Variants in CPNE4 observed in about 807,000 individuals in gnomAD.
CPNE4 encodes copine 4.
In CPNE4, 25 loss-of-function variants were observed where a neutral mutation model predicts 67.9. The ratio of observed to expected loss-of-function variants is 0.37; its 90% confidence interval spans 0.27 to 0.51. The LOEUF is 0.51. Ranked by LOEUF, CPNE4 falls within the 20% of genes least tolerant of loss-of-function variation. The pLI is 0.93. For missense variants in CPNE4, 464 were observed against 690.8 expected (o/e 0.67, Z 3.68); for synonymous variants, 242 against 244.9 (o/e 0.99, Z 0.11).
rs921079101 is a variant in CPNE4 at position 131,714,372 on chromosome 3, C to A, written c.360+9074G>T. ...AATGGATAATAAGTCCATTTAACTTCATTTAATGAATGGGAGAAAAAACTT... is the reference window on the plus strand; with the variant it reads ...AATGGATAATAAGTCCATTTAACTTAATTTAATGAATGGGAGAAAAAACTT... On this transcript the variant is annotated intron_variant, in intron 3 of 15. Coordinates refer to ENST00000429747, the MANE Select transcript of CPNE4 (RefSeq NM_130808.3). Among the ~76,000 whole-genome samples the A allele has an allele frequency of 6.6e-5, 10 of 152,308 alleles. No individual in the cohort carries two copies. The East Asian group carries it at 1.3e-3, about 21-fold the overall frequency.
At chr3:131,537,534 C>T in intron 15 of CPNE4, 1 of 203,660 alleles carries the variant, frequency 4.9e-6, no homozygotes, top group Non-Finnish European at 1.0e-5. Flanking sequence ...CCGCCCGCCT[C>T]AGCATCTCAA....
At chr3:131,565,720 G>A (rs901445898) in intron 10 of CPNE4, among the ~76,000 whole-genome samples, 8 of 150,224 alleles carry the variant, frequency 5.3e-5, no homozygotes, top group African/African-American at 9.8e-5. Context: ...AAAGAACTAC[G>A]TCAAAAATAA....
chr3:131,969,259 G>A (rs781031038), intron 1 of CPNE4, among the ~76,000 whole-genome samples: 33 of 151,864 alleles, frequency 2.2e-4, no homozygotes, highest in Non-Finnish European at 3.7e-4. Context: ...TAATGCATGC[G>A]GGTCTTAAAA....
chr3:131,655,533 T>A (rs1299723482), intron 7 of CPNE4, among the ~76,000 whole-genome samples: 1 of 152,188 alleles, frequency 6.6e-6, no homozygotes, highest in Non-Finnish European at 1.5e-5. Context: ...TTAGTGATTT[T>A]ACTCTTTCAT....
chr3:131,961,397 C>T (rs1360994711), intron 1 of CPNE4, among the ~76,000 whole-genome samples: 1 of 152,106 alleles, frequency 6.6e-6, no homozygotes, highest in Non-Finnish European at 1.5e-5. Context: ...CTGGTTCCCT[C>T]CCAGTGTTGC....
At chr3:131,701,373 T>C (rs1172815402) in intron 3 of CPNE4, among the ~76,000 whole-genome samples, 1 of 152,200 alleles carries the variant, frequency 6.6e-6, no homozygotes, top group Non-Finnish European at 1.5e-5. Flanking sequence ...CATGCTATTG[T>C]GTAATATTCT....
intron 2 of CPNE4, among the ~76,000 whole-genome samples, chr3:131,898,179 G>GTCAAAAAT (rs1488408043): frequency 6.6e-6 from 1 of 152,064 alleles, no homozygotes; most frequent in African/African-American, 2.4e-5. Context: ...CAGGAAAAGT[G>GTCAAAAAT]TCAAAAATAC....
intron 11 of CPNE4, among the ~76,000 whole-genome samples, chr3:131,563,346 A>G (rs1176109310): frequency 6.6e-6 from 1 of 152,046 alleles, no homozygotes; most frequent in Non-Finnish European, 1.5e-5. Context: ...ACACATATTT[A>G]TATTTACATT....
Position 131,671,459 on chromosome 3 carries a change from A to ATGTGTGTGTG in CPNE4, c.592-1705_592-1696dup, listed in dbSNP as rs58195413. Reference sequence around the variant, plus strand: ...TGTGTATGTATGTATGAGTGTACACATGTGTGTGTGTGTGTGTGTGTGTGT... The same window carrying ATGTGTGTGTG: ...TGTGTATGTATGTATGAGTGTACACATGTGTGTGTGTGTGTGTGTGTGTGTGTGTGTGTGT... On this transcript the variant is annotated intron_variant, in intron 6 of 15. Coordinates refer to ENST00000429747, the MANE Select transcript of CPNE4 (RefSeq NM_130808.3). Among the ~76,000 whole-genome samples the ATGTGTGTGTG allele has an allele frequency of 1.0e-3, 131 of 131,356 alleles. 1 individual carries two copies. The highest frequency in any genetic ancestry group is 3.4e-3 in the African/African-American group (127 of 37,346). 86.2% of individuals were successfully genotyped at this position (131,356 alleles called of 152,430 possible).
chr3:132,000,926 G>A (rs749107129), intron 1 of CPNE4, among the ~76,000 whole-genome samples: 5 of 151,508 alleles, frequency 3.3e-5, no homozygotes, highest in Non-Finnish European at 7.4e-5. Context: ...CGTGTGGGCT[G>A]TGTACTAGAA....
chr3:131,758,065 G>GCT (rs2082796459), intron 2 of CPNE4, among the ~76,000 whole-genome samples: 1 of 152,218 alleles, frequency 6.6e-6, no homozygotes, highest in Admixed American at 6.5e-5. Flanking sequence ...AGGGCAGTAT[G>GCT]GAAGGGAAAC....
At chr3:131,673,478 T>C (rs904273853) in intron 6 of CPNE4, among the ~76,000 whole-genome samples, 2 of 152,110 alleles carry the variant, frequency 1.3e-5, no homozygotes, top group Non-Finnish European at 1.5e-5. Context: ...ATGGACTATT[T>C]TTCCATTGTA....
chr3:132,003,333 G>A (rs1033909752), intron 1 of CPNE4, among the ~76,000 whole-genome samples: 1 of 152,076 alleles, frequency 6.6e-6, no homozygotes, highest in Non-Finnish European at 1.5e-5. Flanking sequence ...TATTTTAGAT[G>A]ATGCTCTCTT....
chr3:131,952,565 G>A (rs1259090106), intron 1 of CPNE4, among the ~76,000 whole-genome samples: 1 of 89,718 alleles, frequency 1.1e-5, no homozygotes, highest in African/African-American at 4.9e-5. Context: ...ATCCGGGAGG[G>A]AGGTGGGGGG....
intron 2 of CPNE4, among the ~76,000 whole-genome samples, chr3:131,863,980 T>G (rs1560493500): frequency 6.6e-6 from 1 of 152,220 alleles, no homozygotes; most frequent in Non-Finnish European, 1.5e-5. Context: ...CCTCATTTCT[T>G]GTTTTTGTCA....
intron 2 of CPNE4, among the ~76,000 whole-genome samples, chr3:131,778,928 A>G (rs2083361020): frequency 6.6e-6 from 1 of 152,104 alleles, no homozygotes; most frequent in Non-Finnish European, 1.5e-5. Flanking sequence ...TACTATACCT[A>G]GAAAAACCTC....
At chr3:131,710,983 C>T (rs200333874) in intron 3 of CPNE4, among the ~76,000 whole-genome samples, 2 of 152,198 alleles carry the variant, frequency 1.3e-5, no homozygotes, top group Admixed American at 6.5e-5. Flanking sequence ...GTGTTGATAG[C>T]ACCAAGCTCA....
At chr3:132,002,702 A>AAAAAAC (rs1413942559) in intron 1 of CPNE4, among the ~76,000 whole-genome samples, 1 of 152,096 alleles carries the variant, frequency 6.6e-6, no homozygotes, top group East Asian at 1.9e-4. Flanking sequence ...TTCTTGGTAT[A>AAAAAAC]AAAAGCAAAA....
intron 1 of CPNE4, among the ~76,000 whole-genome samples, chr3:132,016,696 T>G (rs1224184585): frequency 6.6e-6 from 1 of 152,192 alleles, no homozygotes; most frequent in East Asian, 1.9e-4. Flanking sequence ...AAAATCCTAT[T>G]TGGAAACCTA....
Sources: gnomAD v4.1 joint callset for allele counts (sites outside exome capture counted in the v4.1 genomes callset) on GRCh38, gnomAD v4.1.1 for gene constraint, MANE v1.5 for transcripts, NCBI Gene and HGNC (gene_info 2026-07-23, HGNC 2026-07-21) for gene names.